Variants in EPN3 observed in about 807,000 individuals in gnomAD.
The protein encoded by EPN3 is epsin-3.
A neutral mutation model predicts 55.5 loss-of-function variants in EPN3; 56 were observed. The observed-to-expected ratio is 1.01, with a 90% CI of 0.81 to 1.26. The LOEUF is 1.26. Among genes scored for constraint, EPN3 ranks in the 50% most tolerant of loss-of-function variants. EPN3 has a pLI of 0.00. For missense variants in EPN3, 927 were observed against 853.4 expected (o/e 1.09, Z -1.07); for synonymous variants, 449 against 375.2 (o/e 1.20, Z -2.27).
At position 50,536,842 on chromosome 17, in the gene EPN3, T is replaced by G; in HGVS notation, c.286T>G (p.Cys96Gly). 1 of 1,614,008 alleles carries G rather than the reference T, an allele frequency of 6.2e-7. No homozygotes were observed. Reference sequence around the variant, plus strand: ...GGGCTCCGAGCGGGTGGCCCACCAGTGCCGCGAGAACCTCTACACCATCCA... The same window carrying G: ...GGGCTCCGAGCGGGTGGCCCACCAGGGCCGCGAGAACCTCTACACCATCCA... Reference protein sequence around the residue: ...KTGSERVAHQCRENLYTIQTL... With the variant: ...KTGSERVAHQGRENLYTIQTL... Residue 96 changes from cysteine (C) to glycine (G), a missense_variant, in exon 2 of 10, where the codon TGC becomes GGC. Physicochemically the swap from Cys to Gly is radical, Grantham distance 159. Coordinates refer to ENST00000268933, the MANE Select transcript of EPN3 (RefSeq NM_017957.3).
In EPN3 at chr17:50,536,934, G is replaced by A; in HGVS notation, c.378G>A (p.Lys126=). ...GKDQGVNVRE[K]VKQVMALLKD... is the part of the protein sequence containing the mutation. ...ACCAGGGCGTCAACGTGCGCGAGAAGGTCAAGCAGGTGATGGCCCTGCTCA... is the reference window on the plus strand; with the variant it reads ...ACCAGGGCGTCAACGTGCGCGAGAAAGTCAAGCAGGTGATGGCCCTGCTCA... The change falls in exon 2 of 10, where the codon AAG becomes AAA. Residue 126 remains lysine, a synonymous_variant. Coordinates refer to ENST00000268933, the MANE Select transcript of EPN3 (RefSeq NM_017957.3). 1 of 1,614,174 alleles carries A rather than the reference G, an allele frequency of 6.2e-7. No homozygotes were observed.
rs2034862047 is a variant in EPN3, at chr17:50,542,289, T to A, written c.*132T>A. ...GTGGCGGCTGGTATCCCGCGGCGGC[T>A]CTGGAAGCTGGACGCGGACCACGGC... is the stretch of plus-strand genomic sequence containing the variant. On this transcript the variant is annotated 3_prime_UTR_variant, in exon 10 of 10. Transcript: ENST00000268933. 2.0e-6 allele frequency: 2 copies of A among 1,019,294 alleles called. No homozygotes were observed. The highest frequency in any genetic ancestry group is 3.4e-5 in the African/African-American group (2 of 58,338). 63.1% of individuals were successfully genotyped at this position (1,019,294 alleles called of 1,614,324 possible).
chr17:50,533,981 G>C (rs1185603915), intron 1 of EPN3, among the ~76,000 whole-genome samples: 6 of 152,192 alleles, frequency 3.9e-5, no homozygotes, highest in African/African-American at 1.4e-4. Flanking sequence ...TTTTATTTCT[G>C]GGCATATCGT....
Position 50,538,200 on chromosome 17 carries a change from G to A in EPN3, c.681+3G>A, listed in dbSNP as rs1171089612. 1 of 1,607,144 alleles carries A rather than the reference G, an allele frequency of 6.2e-7. No individual in the cohort carries two copies. On this transcript the variant is annotated splice_donor_region_variant and intron_variant, in intron 3 of 9. Coordinates refer to ENST00000268933, the MANE Select transcript of EPN3 (RefSeq NM_017957.3). The stretch of plus-strand genomic sequence containing the variant: ...TGAGCCGTGAGGAGGCAGAGAAGGT[G>A]AGGCCATGCAGCCCCACTGCGGTGG...
At position 50,541,956 on chromosome 17, in the gene EPN3, G is replaced by T. The variant is rs2034855726; in HGVS notation, c.1698G>T (p.Val566=). 2 of 1,596,162 alleles carry T rather than the reference G, an allele frequency of 1.3e-6. No homozygotes were observed. Among genetic ancestry groups the T allele is most frequent in the African/African-American group, 1.3e-5 (1 of 74,916 alleles). The change falls in exon 10 of 10, where the codon GTG becomes GTT. Residue 566 remains valine, a synonymous_variant. Coordinates refer to ENST00000268933, the MANE Select transcript of EPN3 (RefSeq NM_017957.3). ...CGCTGGGCCTGGCAGGCGGGCCTGT[G>T]GGGGCGCCCCTGGGCTCCATGACCT... ...SPALGLAGGP[V]GAPLGSMTYS...
rs536197585 is a variant in EPN3, at chr17:50,541,438, A to G, written c.1355-26A>G. The G allele has an allele frequency of 2.4e-5, 39 of 1,611,692 alleles. No individual in the cohort carries two copies. In the East Asian group the frequency reaches 8.5e-4, roughly 35 times the overall value. On this transcript the variant is annotated intron_variant, in intron 8 of 9. Coordinates refer to ENST00000268933, the MANE Select transcript of EPN3 (RefSeq NM_017957.3). Reference sequence around the variant, plus strand: ...TCGGGCGCCAATCCCTTTCCCCACCAATTAGCTCTAGCATTTCTATTCCAG... The same window carrying G: ...TCGGGCGCCAATCCCTTTCCCCACCGATTAGCTCTAGCATTTCTATTCCAG...
chr17:50,536,814 G>A lies in EPN3; in HGVS notation c.258G>A (p.Lys86=), dbSNP rs1375905248. The change falls in exon 2 of 10, where the codon AAG becomes AAA. Residue 86 remains lysine, a synonymous_variant. Coordinates refer to ENST00000268933, the MANE Select transcript of EPN3 (RefSeq NM_017957.3). ...TAACATTGCTGGACTACCTGCTCAA[G>A]ACGGGCTCCGAGCGGGTGGCCCACC... ...KALTLLDYLL[K]TGSERVAHQC... 3 of 1,614,170 alleles carry A rather than the reference G, an allele frequency of 1.9e-6. No homozygotes were observed. The highest frequency in any genetic ancestry group is 2.5e-6 in the Non-Finnish European group (3 of 1,180,036).
Position 50,532,830 on chromosome 17 carries a change from A to G in EPN3, c.-292A>G, listed in dbSNP as rs1156569228. On this transcript the variant is annotated 5_prime_UTR_variant, in exon 1 of 10. Transcript: ENST00000268933. ...GCCGCTGCCCCTCTGAGGGGTCTGC[A>G]CCTCCTGGGAGCAGGTGGGTCTCTG... The G allele has an allele frequency of 8.1e-7, 1 of 1,233,468 alleles. No homozygotes were observed. The highest frequency in any genetic ancestry group is 1.1e-6 in the Non-Finnish European group (1 of 943,690). 76.4% of individuals were successfully genotyped at this position (1,233,468 alleles called of 1,614,324 possible).
At chr17:50,540,204 G>A (rs1460856636) in intron 5 of EPN3, 43 bp from the exon 6 acceptor site, 1 of 1,555,924 alleles carries the variant, frequency 6.4e-7, no homozygotes, top group Admixed American at 1.7e-5. Flanking sequence ...CTCCCTCCAG[G>A]CCCCGCCCAC....
chr17:50,533,002 GC>G lies in EPN3; in HGVS notation c.-137+22del, dbSNP rs1209187642. On this transcript the variant is annotated intron_variant, in intron 1 of 9. Transcript: ENST00000268933. ...GCACTGGAGGTAAGCTTCCTCCCTG[GC>G]CCCCTCCCTGGCAGTGGCGGCATGG... 1.6e-6 allele frequency: 2 copies of G among 1,272,572 alleles called. No individual in the cohort carries two copies. Among genetic ancestry groups the G allele is most frequent in the Non-Finnish European group, 2.0e-6 (2 of 977,504 alleles). The allele number at this position is 1,272,572 out of a possible 1,614,324, so 78.8% of individuals were successfully genotyped here.
Position 50,535,382 on chromosome 17 carries a change from C to CATCCCCT in EPN3, c.-136-1038_-136-1032dup, listed in dbSNP as rs1452123594. Among the ~76,000 whole-genome samples the CATCCCCT allele has an allele frequency of 5.8e-4, 88 of 152,360 alleles. 1 individual carries two copies. The highest frequency in any genetic ancestry group is 4.1e-4 in the Non-Finnish European group (28 of 68,038). On this transcript the variant is annotated intron_variant, in intron 1 of 9. Transcript: ENST00000268933. ...CGTGCCATATGATGCAGGCAGGTCC[C>CATCCCCT]ATCCCCTCTCTGGCCTCAACACTTC... is the stretch of plus-strand genomic sequence containing the variant.
intron 3 of EPN3, 123 bp from the exon 4 acceptor site, chr17:50,538,761 G>A (rs1223680478): frequency 6.2e-6 from 4 of 645,434 alleles, no homozygotes; most frequent in Non-Finnish European, 1.0e-5. Context: ...AGCGGCAAAT[G>A]GCCCATGCAC....
At chr17:50,539,590 G>C (rs561252667) in intron 5 of EPN3, among the ~76,000 whole-genome samples, 11 of 152,332 alleles carry the variant, frequency 7.2e-5, no homozygotes, top group African/African-American at 2.6e-4. Context: ...GCATGTCACT[G>C]TCATGGCCTC....
rs1451404858 is a variant in EPN3, at chr17:50,537,049, C to G, written c.493C>G (p.Gln165Glu). 4 of 1,612,146 alleles carry G rather than the reference C, an allele frequency of 2.5e-6. No homozygotes were observed. In the Admixed American group the frequency reaches 6.7e-5, roughly 27 times the overall value. Residue 165 changes from glutamine (Q) to glutamate (E), a missense_variant, in exon 2 of 10, where the codon CAG (glutamine) becomes GAG (glutamate). Transcript: ENST00000268933. ...ALEGIGIGSG[Q>E]LGFSRRYGED... Reference sequence around the variant, plus strand: ...GGAGGGCATCGGCATTGGCAGTGGGCAGCTGGGCTTCAGCCGCCGCTACGG... The same window carrying G: ...GGAGGGCATCGGCATTGGCAGTGGGGAGCTGGGCTTCAGCCGCCGCTACGG...
intron 9 of EPN3, 63 bp from the exon 10 acceptor site, chr17:50,541,771 CTTCCCAACTT>C: frequency 6.2e-7 from 1 of 1,607,794 alleles, no homozygotes; most frequent in Non-Finnish European, 8.5e-7. Context: ...GCCCACTCTT[CTTCCCAACTT>C]CCACGACCTC....
At position 50,538,947 on chromosome 17, in the gene EPN3, C is replaced by G; in HGVS notation, c.745C>G (p.Arg249Gly). The G allele has an allele frequency of 6.2e-7, 1 of 1,607,018 alleles. No individual in the cohort carries two copies. Among genetic ancestry groups the G allele is most frequent in the East Asian group, 2.2e-5 (1 of 44,738 alleles). Residue 249 changes from arginine to glycine, a missense_variant, in exon 4 of 10, where the codon CGG becomes GGG. Transcript: ENST00000268933. ...LQLQLALRLS[R>G]QEHEKEVRSW... The stretch of plus-strand genomic sequence containing the variant: ...GCTGCAGCTGGCTCTGCGCCTGAGC[C>G]GGCAGGAGCACGAGAAGGTAGTGGG...
rs374678158 is a variant in EPN3 at position 50,542,007 on chromosome 17, C to T, written c.1749C>T (p.Leu583=). 3.3e-4 allele frequency: 529 copies of T among 1,598,186 alleles called. 2 individuals carry two copies. The highest frequency in any genetic ancestry group is 2.9e-3 in the Middle Eastern group (17 of 5,922). Residue 583 remains leucine (L), a synonymous_variant, in exon 10 of 10, where the codon CTC becomes CTT. Coordinates refer to ENST00000268933, the MANE Select transcript of EPN3 (RefSeq NM_017957.3). ...ACAGCGCCTCTCTGCCCCTCCCGCT[C>T]AGCAGCGTGCCAGCTGGCTTGACCC... ...MTYSASLPLP[L]SSVPAGLTLP... is the part of the protein sequence containing the mutation.
chr17:50,536,629 C>T lies in EPN3; in HGVS notation c.73C>T (p.Arg25Cys), dbSNP rs753177479. 4.3e-5 allele frequency: 69 copies of T among 1,613,954 alleles called. No individual in the cohort carries two copies. In the East Asian group the frequency reaches 6.2e-4, roughly 15 times the overall value. The part of the protein sequence containing the change: ...HNYSEAEIKV[R>C]EATSNDPWGP... ...CTACTCCGAGGCAGAAATCAAGGTG[C>T]GCGAGGCCACCAGCAATGACCCCTG... The change falls in exon 2 of 10, where the codon CGC (arginine) becomes TGC (cysteine). Residue 25 changes from arginine (R) to cysteine (C), a missense_variant. Transcript: ENST00000268933.
rs564859800 is a variant in EPN3, at chr17:50,532,950, G to A, written c.-172G>A. 26 of 1,285,036 alleles carry A rather than the reference G, an allele frequency of 2.0e-5. No homozygotes were observed. Among genetic ancestry groups the A allele is most frequent in the African/African-American group, 1.5e-4 (10 of 65,646 alleles). The allele number at this position is 1,285,036 out of a possible 1,614,324, so 79.6% of individuals were successfully genotyped here. ...CGGAGGGTCACCGCAGAGGCTACTCGGGCTGGGGCTGGGGCCGAGGGAGCC... is the reference window on the plus strand; with the variant it reads ...CGGAGGGTCACCGCAGAGGCTACTCAGGCTGGGGCTGGGGCCGAGGGAGCC... On this transcript the variant is annotated 5_prime_UTR_variant, in exon 1 of 10. Coordinates refer to ENST00000268933, the MANE Select transcript of EPN3 (RefSeq NM_017957.3).
Sources: allele counts gnomAD v4.1 joint callset (sites outside exome capture counted in the v4.1 genomes callset), GRCh38; gene constraint gnomAD v4.1.1; transcripts MANE v1.5; gene names NCBI Gene and HGNC (gene_info 2026-07-23, HGNC 2026-07-21).